The following TNFRSF21 variants were observed in gnomAD, a reference collection of about 807,000 sequenced individuals.
The protein encoded by TNFRSF21 is tumor necrosis factor receptor superfamily member 21.
In TNFRSF21, 19 loss-of-function variants were observed where a neutral mutation model predicts 45.6. That is an observed-to-expected ratio of 0.42 (90% confidence interval 0.29 to 0.61). The LOEUF is 0.61. TNFRSF21 is among the 20% of genes least tolerant of loss of function. TNFRSF21 has a pLI of 0.23. For synonymous variants in TNFRSF21, 314 were observed against 335.5 expected, an observed-to-expected ratio of 0.94 and a Z score of 0.70; for missense variants, 737 against 851.5, an observed-to-expected ratio of 0.87 and a Z score of 1.67.
At chr6:47,276,853 T>C (rs1231264421) in intron 3 of TNFRSF21, among the ~76,000 whole-genome samples, 1 of 152,226 alleles carries the variant, frequency 6.6e-6, no homozygotes, top group East Asian at 1.9e-4. Context: ...CTCTGCCCAT[T>C]TGAGAGAGCA....
intron 3 of TNFRSF21, among the ~76,000 whole-genome samples, chr6:47,262,098 A>C (rs1165720834): frequency 6.6e-6 from 1 of 152,220 alleles, no homozygotes. Flanking sequence ...TTAATAGACA[A>C]TAACCGTAAG....
chr6:47,307,471 TGG>T (rs1762955934), intron 1 of TNFRSF21, among the ~76,000 whole-genome samples: 2 of 152,160 alleles, frequency 1.3e-5, no homozygotes, highest in Non-Finnish European at 2.9e-5. Context: ...CTCAACATCC[TGG>T]GCTCAAGCCA....
Position 47,232,454 on chromosome 6 carries a change from A to G in TNFRSF21, c.*311T>C, listed in dbSNP as rs1764596957. On this transcript the variant is annotated 3_prime_UTR_variant, in exon 6 of 6. Transcript: ENST00000296861. The stretch of plus-strand genomic sequence containing the variant: ...GCACAGAATAATCTTGAAAATACAT[A>G]AGAAGGCAAAATGGAGAAAATATGG... 7.0e-6 allele frequency: 2 copies of G among 287,606 alleles called. No homozygotes were observed. The allele number at this position is 287,606 out of a possible 1,614,324, so 17.8% of individuals were successfully genotyped here.
At position 47,309,658 on chromosome 6, in the gene TNFRSF21, G is replaced by T; in HGVS notation, c.-147C>A. On this transcript the variant is annotated 5_prime_UTR_variant, in exon 1 of 6. Transcript: ENST00000296861. ...ACCCCATGTGCACTGCTGCGGCCGG[G>T]CAGAGGAGGGAGGCGGCAAGGGAGG... The T allele has an allele frequency of 1.7e-6, 2 of 1,190,906 alleles. No individual in the cohort carries two copies. The highest frequency in any genetic ancestry group is 3.2e-5 in the East Asian group (1 of 31,056). The allele number at this position is 1,190,906 out of a possible 1,614,324, so 73.8% of individuals were successfully genotyped here. A position where few individuals can be genotyped will look rare whatever the true frequency, so the allele number is the denominator to read the frequency against.
chr6:47,248,763 C>T (rs1351566452), intron 4 of TNFRSF21, among the ~76,000 whole-genome samples: 1 of 152,214 alleles, frequency 6.6e-6, no homozygotes, highest in African/African-American at 2.4e-5. Context: ...CCACCCAACA[C>T]TAAGTGACCC....
At position 47,297,579 on chromosome 6, in the gene TNFRSF21, G is replaced by A. The variant is rs184429405; in HGVS notation, c.97-10984C>T. Among the ~76,000 whole-genome samples, 14 of 141,244 alleles carry A rather than the reference G, an allele frequency of 9.9e-5. No homozygotes were observed. In the East Asian group the frequency reaches 2.9e-3, roughly 29 times the overall value. The allele number at this position is 141,244 out of a possible 152,430, so 92.7% of individuals were successfully genotyped here. A position where few individuals can be genotyped will look rare whatever the true frequency, so the allele number is the denominator to read the frequency against. ...GCTCTGTCACCCAGGCTGGATTGCA[G>A]TGGCACGATCTGGGCTCACTGCAAC... is the stretch of plus-strand genomic sequence containing the variant. On this transcript the variant is annotated intron_variant, in intron 1 of 5. Coordinates refer to ENST00000296861, the MANE Select transcript of TNFRSF21 (RefSeq NM_014452.5).
Position 47,307,950 on chromosome 6 carries a change from T to G in TNFRSF21, c.96+1466A>C, listed in dbSNP as rs116542375. 4.7e-3 allele frequency among the ~76,000 whole-genome samples: 722 copies of G among 152,272 alleles called. 6 individuals are homozygous for G. Among genetic ancestry groups the G allele is most frequent in the Middle Eastern group, 0.014 (4 of 294 alleles). ...TAGTTCTCACTCCACTGAACTAGGA[T>G]CAGTGTTCCCATGGACCTAGATGTG... On this transcript the variant is annotated intron_variant, in intron 1 of 5. Transcript: ENST00000296861.
At chr6:47,304,619 C>G (rs1421598739) in intron 1 of TNFRSF21, among the ~76,000 whole-genome samples, 1 of 151,334 alleles carries the variant, frequency 6.6e-6, no homozygotes, top group Non-Finnish European at 1.5e-5. Context: ...CTTACTATAT[C>G]CTGCTTGATA....
intron 4 of TNFRSF21, among the ~76,000 whole-genome samples, chr6:47,235,287 C>T (rs978691666): frequency 2.6e-5 from 4 of 152,156 alleles, no homozygotes; most frequent in Non-Finnish European, 5.9e-5. Context: ...GCCCTGACCC[C>T]CAGTACTTCA....
chr6:47,283,566 T>C (rs1762598697), intron 3 of TNFRSF21, among the ~76,000 whole-genome samples: 2 of 152,192 alleles, frequency 1.3e-5, no homozygotes, highest in Non-Finnish European at 2.9e-5. Flanking sequence ...AGGAGTCTCG[T>C]CCCATCTGTC....
intron 3 of TNFRSF21, among the ~76,000 whole-genome samples, chr6:47,255,975 AT>A (rs1735511461): frequency 6.6e-6 from 1 of 152,120 alleles, no homozygotes; most frequent in African/African-American, 2.4e-5. Flanking sequence ...AAATAAAAAT[AT>A]TTTTTGCACC....
At chr6:47,280,966 T>C (rs1305851975) in intron 3 of TNFRSF21, among the ~76,000 whole-genome samples, 1 of 152,232 alleles carries the variant, frequency 6.6e-6, no homozygotes, top group Non-Finnish European at 1.5e-5. Flanking sequence ...CATGGTTTTC[T>C]ACTAATTGGG....
intron 3 of TNFRSF21, among the ~76,000 whole-genome samples, chr6:47,277,589 A>G (rs1762516414): frequency 6.6e-6 from 1 of 152,242 alleles, no homozygotes; most frequent in African/African-American, 2.4e-5. Context: ...TTACACATGA[A>G]GAAACTAAAG....
intron 2 of TNFRSF21, 36 bp from the exon 3 acceptor site, chr6:47,284,468 C>T (rs1392433511): frequency 1.3e-6 from 2 of 1,502,442 alleles, no homozygotes; most frequent in Admixed American, 2.4e-5. Flanking sequence ...AAGAGCTTTT[C>T]CATATTTGGG....
chr6:47,297,516 T>A, intron 1 of TNFRSF21, among the ~76,000 whole-genome samples: 1 of 149,150 alleles, frequency 6.7e-6, no homozygotes, highest in Non-Finnish European at 1.5e-5. Flanking sequence ...TTTACTTTTT[T>A]TTTTTTTTTT....
intron 2 of TNFRSF21, 128 bp from the exon 3 acceptor site, chr6:47,284,560 A>G: frequency 3.6e-6 from 4 of 1,124,658 alleles, no homozygotes; most frequent in Non-Finnish European, 4.7e-6. Flanking sequence ...GGGGCTTAAG[A>G]ATAAATTGTG....
Position 47,232,632 on chromosome 6 carries a change from CACACACACACACACACACACACACACAA to C in TNFRSF21, c.*105_*132del, listed in dbSNP as rs1764602190. 3 of 670,966 alleles carry C rather than the reference CACACACACACACACACACACACACACAA, an allele frequency of 4.5e-6. No individual in the cohort carries two copies. Among genetic ancestry groups the C allele is most frequent in the African/African-American group, 1.8e-5 (1 of 54,444 alleles). 41.6% of individuals were successfully genotyped at this position (670,966 alleles called of 1,614,324 possible). A position where few individuals can be genotyped will look rare whatever the true frequency, so the allele number is the denominator to read the frequency against. ...GGCCATATTCTCTGTTAAACACACA[CACACACACACACACACACACACACACAA>C]ACACACACACACACCCCAAACAACA... is the stretch of plus-strand genomic sequence containing the variant. On this transcript the variant is annotated 3_prime_UTR_variant, in exon 6 of 6. Coordinates refer to ENST00000296861, the MANE Select transcript of TNFRSF21 (RefSeq NM_014452.5).
chr6:47,252,292 A>G (rs1764910874), intron 4 of TNFRSF21, among the ~76,000 whole-genome samples: 1 of 152,242 alleles, frequency 6.6e-6, no homozygotes, highest in Non-Finnish European at 1.5e-5. Context: ...ATAATAACAC[A>G]GACCGGCCCT....
chr6:47,269,108 C>T (rs79739361), intron 3 of TNFRSF21, among the ~76,000 whole-genome samples: 4,306 of 152,150 alleles, frequency 0.028, 211 homozygotes, highest in African/African-American at 0.098. Context: ...TTGGGCAAGT[C>T]ACCCTTCCTT....
Sources: gnomAD v4.1 joint callset for allele counts (sites outside exome capture counted in the v4.1 genomes callset) on GRCh38, gnomAD v4.1.1 for gene constraint, MANE v1.5 for transcripts, NCBI Gene and HGNC (gene_info 2026-07-23, HGNC 2026-07-21) for gene names.